Variants in MYO16 observed in about 807,000 individuals in gnomAD.
MYO16 encodes unconventional myosin-XVI.
Under a neutral mutation model 205.3 loss-of-function variants are expected in MYO16, and 94 were observed. The ratio of observed to expected loss-of-function variants is 0.46; its 90% CI spans 0.39 to 0.54. The LOEUF is 0.54. MYO16 is among the 20% of genes least tolerant of loss of function. The pLI is 0.00. For missense variants in MYO16, 2,315 were observed against 2,387.5 expected (o/e 0.97, Z 0.63); for synonymous variants, 988 against 954.0 (o/e 1.04, Z -0.66).
the MYO16 span, among the ~76,000 whole-genome samples, chr13:108,548,441 G>A: frequency 1.3e-5 from 2 of 151,780 alleles, no homozygotes; most frequent in African/African-American, 4.8e-5. Flanking sequence ...TTGTGATGGT[G>A]AGAATGGTGG....
intron 28 of MYO16, chr13:109,101,678 C>G (rs1888972584): frequency 6.6e-6 from 1 of 152,132 alleles, no homozygotes; most frequent in Non-Finnish European, 1.5e-5. Context: ...CCACGCAGTC[C>G]ATGACACCAG....
rs940422563 is a variant in MYO16 at position 108,774,168 on chromosome 13, G to A, written c.508-11467G>A. Among the ~76,000 whole-genome samples the A allele has an allele frequency of 4.9e-4, 74 of 152,136 alleles. 1 individual carries two copies. Among genetic ancestry groups the A allele is most frequent in the Non-Finnish European group, 1.9e-4 (13 of 68,014 alleles). ...ATGTGTTAGAGAACTATAACTAAATGAAACAATTGACAAGTATATTCTTGG... is the reference window on the plus strand; with the variant it reads ...ATGTGTTAGAGAACTATAACTAAATAAAACAATTGACAAGTATATTCTTGG... On this transcript the variant is annotated intron_variant, in intron 4 of 34. Coordinates refer to ENST00000457511, the MANE Select transcript of MYO16 (RefSeq NM_001198950.3).
intron 2 of MYO16, among the ~76,000 whole-genome samples, chr13:108,685,961 C>A (rs1312231018): frequency 6.6e-6 from 1 of 152,182 alleles, no homozygotes. Context: ...CCTTAAAGAC[C>A]TTCTCTTTGA....
chr13:108,568,041 C>T, the MYO16 span, among the ~76,000 whole-genome samples: 1 of 152,126 alleles, frequency 6.6e-6, no homozygotes, highest in Non-Finnish European at 1.5e-5. Flanking sequence ...ATCAGTACTT[C>T]ATTTGTTTTT....
At position 109,206,629 on chromosome 13, in the gene MYO16, C is replaced by G. The variant is rs1242941834; in HGVS notation, c.5436C>G (p.Leu1812=). 5.0e-6 allele frequency: 8 copies of G among 1,613,582 alleles called. No homozygotes were observed. Among genetic ancestry groups the G allele is most frequent in the Non-Finnish European group, 5.9e-6 (7 of 1,179,540 alleles). Residue 1812 remains leucine, a synonymous_variant, in exon 35 of 35, where the codon CTC becomes CTG. Transcript: ENST00000457511. The stretch of plus-strand genomic sequence containing the variant: ...CACAGGTAATCCATCAGCTGAGGCT[C>G]TCAGAGAATGAAAGTGTGGCCCTGC... ...HTTQVIHQLR[L]SENESVALQE... is the part of the protein sequence containing the mutation.
chr13:108,834,089 T>G (rs1876768595), intron 9 of MYO16, among the ~76,000 whole-genome samples: 1 of 152,132 alleles, frequency 6.6e-6, no homozygotes, highest in Non-Finnish European at 1.5e-5. Context: ...AAAGAAAAAC[T>G]GCACCAGAGA....
the MYO16 span, among the ~76,000 whole-genome samples, chr13:108,504,265 G>A: frequency 6.6e-6 from 1 of 152,010 alleles, no homozygotes; most frequent in African/African-American, 2.4e-5. Flanking sequence ...GGGACTACAG[G>A]CACATGCTAC....
chr13:108,895,441 T>A (rs2139197197), intron 14 of MYO16, among the ~76,000 whole-genome samples: 1 of 152,316 alleles, frequency 6.6e-6, no homozygotes, highest in East Asian at 1.9e-4. Flanking sequence ...GATAAAAAAC[T>A]GGTTATTGCA....
chr13:108,710,019 G>A (rs1050533316), intron 2 of MYO16, among the ~76,000 whole-genome samples: 2 of 143,918 alleles, frequency 1.4e-5, no homozygotes, highest in African/African-American at 5.2e-5. Context: ...TTCCTAGCCT[G>A]TTTCTCTGTG....
At chr13:108,957,589 C>T in intron 16 of MYO16, 99 bp from the exon 17 acceptor site, 1 of 749,522 alleles carries the variant, frequency 1.3e-6, no homozygotes, top group South Asian at 1.7e-5. Flanking sequence ...CCAGGTGATT[C>T]CCATCATTTT....
intron 15 of MYO16, among the ~76,000 whole-genome samples, chr13:108,898,962 T>C (rs1190718314): frequency 6.6e-6 from 1 of 152,200 alleles, no homozygotes; most frequent in African/African-American, 2.4e-5. Context: ...TTATAAATGA[T>C]TTCTGAAAGA....
At chr13:108,651,254 T>A (rs1880990367) in intron 1 of MYO16, among the ~76,000 whole-genome samples, 1 of 152,156 alleles carries the variant, frequency 6.6e-6, no homozygotes. Flanking sequence ...TGGCACAACC[T>A]GCAGGGCATA....
rs756757835 is a variant in MYO16, at chr13:108,665,988, G to A, written c.131G>A (p.Arg44His). Residue 44 changes from arginine to histidine, a missense_variant, in exon 2 of 35, where the codon CGC becomes CAC. Arg to His is a conservative substitution (Grantham distance 29, BLOSUM62 0). Around this residue, in one of 3 missense-constraint regions of MYO16, gnomAD observed 1,213 missense variants for 1,274.4 expected, o/e 0.95. Transcript: ENST00000457511. ...GGCCAACGGCAGCGTCTAGTGAAGC[G>A]CATGCGCTGTGAGCAAATCAAAGCC... ...PLGQRQRLVK[R>H]MRCEQIKAYY... The A allele has an allele frequency of 3.2e-5, 51 of 1,614,120 alleles. No individual in the cohort carries two copies. Among genetic ancestry groups the A allele is most frequent in the Non-Finnish European group, 4.1e-5 (48 of 1,179,994 alleles).
chr13:109,111,987 A>G (rs1889302004), intron 28 of MYO16, among the ~76,000 whole-genome samples: 1 of 151,972 alleles, frequency 6.6e-6, no homozygotes, highest in African/African-American at 2.4e-5. Flanking sequence ...TGCCCGGCCG[A>G]TTGTAGACTT....
intron 23 of MYO16, among the ~76,000 whole-genome samples, chr13:109,022,355 T>C (rs1283287920): frequency 1.8e-5 from 2 of 112,962 alleles, no homozygotes; most frequent in African/African-American, 7.4e-5. Context: ...TACAAATATA[T>C]ATGTATATAT....
chr13:108,798,248 T>G (rs567580444), intron 6 of MYO16, among the ~76,000 whole-genome samples: 2 of 152,098 alleles, frequency 1.3e-5, no homozygotes, highest in African/African-American at 4.8e-5. Flanking sequence ...TTTGTTCAGA[T>G]TGATTTCCAT....
At chr13:108,798,308 C>T (rs1191143770) in intron 6 of MYO16, among the ~76,000 whole-genome samples, 1 of 152,160 alleles carries the variant, frequency 6.6e-6, no homozygotes, top group Non-Finnish European at 1.5e-5. Flanking sequence ...TAAATTTTCA[C>T]AGTGTTAAAT....
At chr13:108,711,114 C>T (rs1438588643) in intron 2 of MYO16, among the ~76,000 whole-genome samples, 1 of 152,122 alleles carries the variant, frequency 6.6e-6, no homozygotes, top group East Asian at 1.9e-4. Flanking sequence ...GGGGGAAGAG[C>T]ATCTCCATAC....
intron 33 of MYO16, among the ~76,000 whole-genome samples, chr13:109,173,484 T>A (rs1472175713): frequency 2.0e-5 from 3 of 152,164 alleles, no homozygotes; most frequent in Non-Finnish European, 4.4e-5. Flanking sequence ...TTCCATGAAT[T>A]TGCTGCACAA....
Sources: allele counts gnomAD v4.1 joint callset (sites outside exome capture counted in the v4.1 genomes callset), GRCh38; gene constraint gnomAD v4.1.1; regional missense constraint gnomAD v4.1.1; transcripts MANE v1.5; gene names NCBI Gene and HGNC (gene_info 2026-07-23, HGNC 2026-07-21).